The following HEATR5A variants were observed in gnomAD, a reference collection of about 807,000 sequenced individuals.
The protein encoded by HEATR5A is HEAT repeat containing 5A.
In HEATR5A, 178 loss-of-function variants were observed where a neutral mutation model predicts 218.8. The observed-to-expected ratio is 0.81, with a 90% CI of 0.72 to 0.92. The LOEUF (loss-of-function observed/expected upper bound fraction) is 0.92. Among genes scored for constraint, HEATR5A ranks in the 40% least tolerant of loss-of-function variants. HEATR5A has a pLI of 0.00. For synonymous variants in HEATR5A, 864 were observed against 871.6 expected, an observed-to-expected ratio of 0.99 and a Z score of 0.15; for missense variants, 2,420 against 2,418.9, an observed-to-expected ratio of 1.00 and a Z score of -0.01.
chr14:31,373,617 C>T (rs535085059), intron 12 of HEATR5A, among the ~76,000 whole-genome samples: 1 of 152,324 alleles, frequency 6.6e-6, no homozygotes, highest in African/African-American at 2.4e-5. Flanking sequence ...AAGCGTGAGC[C>T]ACAGCACCTG....
intron 7 of HEATR5A, among the ~76,000 whole-genome samples, chr14:31,388,287 AATG>A (rs1345577182): frequency 6.6e-6 from 1 of 152,180 alleles, no homozygotes; most frequent in Admixed American, 6.5e-5. Context: ...GTTTGCTTTG[AATG>A]ATAACGGTGT....
Position 31,299,343 on chromosome 14 carries a change from CCA to C in HEATR5A, c.5464+2950_5464+2951del, listed in dbSNP as rs532369022. Among the ~76,000 whole-genome samples the C allele has an allele frequency of 1.8e-4, 27 of 152,238 alleles. No homozygotes were observed. The South Asian group carries it at 4.1e-3, about 23-fold the overall frequency. On this transcript the variant is annotated intron_variant, in intron 33 of 35. Coordinates refer to ENST00000543095, the MANE Select transcript of HEATR5A (RefSeq NM_015473.4). ...GTCCATACTATTATTATCTTATCTC[CCA>C]CAGTTTGGCTTTCTTCTTTACACTG...
At chr14:31,390,344 A>G (rs2030404138) in intron 6 of HEATR5A, among the ~76,000 whole-genome samples, 1 of 152,108 alleles carries the variant, frequency 6.6e-6, no homozygotes, top group African/African-American at 2.4e-5. Context: ...TGCTGTGTTG[A>G]GAGAAGATTA....
rs1454259174 is a variant in HEATR5A at position 31,394,038 on chromosome 14, T to C, written c.772+14A>G. The C allele has an allele frequency of 6.8e-7, 1 of 1,460,712 alleles. No homozygotes were observed. Among genetic ancestry groups the C allele is most frequent in the Non-Finnish European group, 9.1e-7 (1 of 1,093,734 alleles). The allele number at this position is 1,460,712 out of a possible 1,614,324, so 90.5% of individuals were successfully genotyped here. The stretch of plus-strand genomic sequence containing the variant: ...ATTACAGAAGAGACTTTGAAAATAA[T>C]TACATGTATTTACCTGTTCCTGGAT... On this transcript the variant is annotated intron_variant, in intron 6 of 35. Coordinates refer to ENST00000543095, the MANE Select transcript of HEATR5A (RefSeq NM_015473.4).
chr14:31,323,480 T>C, intron 24 of HEATR5A, 85 bp downstream of exon 24: 1 of 1,101,436 alleles, frequency 9.1e-7, no homozygotes, highest in Non-Finnish European at 1.2e-6. Flanking sequence ...TTTAAAAAAA[T>C]ATTTTAATAT....
intron 1 of HEATR5A, among the ~76,000 whole-genome samples, chr14:31,408,863 G>A (rs1412096017): frequency 7.7e-5 from 11 of 143,474 alleles, no homozygotes; most frequent in African/African-American, 2.6e-4. Context: ...AGGCCGAGGC[G>A]GGCGGATCAC....
chr14:31,343,783 G>A (rs1053556830), intron 21 of HEATR5A, 113 bp downstream of exon 21: 5 of 801,198 alleles, frequency 6.2e-6, no homozygotes, highest in African/African-American at 5.3e-5. Context: ...AAATAGCTAC[G>A]TATATAACAC....
chr14:31,350,882 A>G (rs554700752), intron 16 of HEATR5A, among the ~76,000 whole-genome samples, 165 bp from the exon 17 acceptor site: 3 of 152,208 alleles, frequency 2.0e-5, no homozygotes, highest in South Asian at 2.1e-4. Flanking sequence ...GGCTCAAGAG[A>G]TTCTCTCACC....
intron 34 of HEATR5A, among the ~76,000 whole-genome samples, chr14:31,294,954 G>A (rs901075812): frequency 2.6e-5 from 4 of 152,094 alleles, no homozygotes; most frequent in Non-Finnish European, 5.9e-5. Flanking sequence ...CAGGCAGCAG[G>A]CAACAGGACA....
At chr14:31,305,378 T>C in intron 31 of HEATR5A, among the ~76,000 whole-genome samples, 1 of 152,182 alleles carries the variant, frequency 6.6e-6, no homozygotes, top group East Asian at 1.9e-4. Flanking sequence ...TTCTTCTGCC[T>C]CAGCCTCCCA....
intron 12 of HEATR5A, among the ~76,000 whole-genome samples, chr14:31,373,359 A>C (rs1595149455): frequency 2.2e-5 from 3 of 136,796 alleles, no homozygotes; most frequent in Non-Finnish European, 1.6e-5. Context: ...ATGGAGTTTC[A>C]CTCTTGTTGT....
intron 29 of HEATR5A, 67 bp from the exon 30 acceptor site, chr14:31,308,087 A>G: frequency 7.1e-7 from 1 of 1,414,292 alleles, no homozygotes; most frequent in Non-Finnish European, 9.5e-7. Context: ...TAAGTAATTA[A>G]TCTTATATTT....
intron 21 of HEATR5A, among the ~76,000 whole-genome samples, chr14:31,338,292 A>G (rs1900731920): frequency 1.3e-5 from 2 of 152,360 alleles, no homozygotes; most frequent in East Asian, 3.9e-4. Flanking sequence ...TCTTTTAACA[A>G]TAATATTTTA....
At position 31,309,003 on chromosome 14, in the gene HEATR5A, C is replaced by T. The variant is rs962174872; in HGVS notation, c.4621G>A (p.Gly1541Ser). The T allele has an allele frequency of 1.2e-6, 2 of 1,613,680 alleles. No homozygotes were observed. The highest frequency in any genetic ancestry group is 2.7e-5 in the African/African-American group (2 of 74,886). ...TTTATGGTAGCCCCAGATGATGAAC[C>T]CTGACACATGGAAGTTGGTGTTACA... The part of the protein sequence containing the change: ...RPVTPTSMCQ[G>S]SSSGATIKSP... The change falls in exon 29 of 36, where the codon GGT becomes AGT. Residue 1541 changes from glycine (G) to serine (S), a missense_variant. Physicochemically the swap from Gly to Ser is moderately conservative, Grantham distance 56. Transcript: ENST00000543095.
intron 14 of HEATR5A, among the ~76,000 whole-genome samples, chr14:31,362,557 A>G (rs558027946): frequency 1.4e-5 from 2 of 141,034 alleles, no homozygotes; most frequent in African/African-American, 2.6e-5. Context: ...AAGCCCAGAA[A>G]TTTGAGAACA....
At chr14:31,296,169 C>A in intron 33 of HEATR5A, 106 bp from the exon 34 acceptor site, 1 of 804,970 alleles carries the variant, frequency 1.2e-6, no homozygotes, top group East Asian at 2.7e-5. Flanking sequence ...ACAACAGATA[C>A]ACACAATGAA....
At chr14:31,370,564 C>T (rs905168022) in intron 13 of HEATR5A, among the ~76,000 whole-genome samples, 6 of 152,230 alleles carry the variant, frequency 3.9e-5, no homozygotes, top group East Asian at 1.9e-4. Context: ...CATAAAAATA[C>T]GTTTTAGCAT....
chr14:31,298,486 G>T (rs1027552939), intron 33 of HEATR5A, among the ~76,000 whole-genome samples: 1 of 152,130 alleles, frequency 6.6e-6, no homozygotes, highest in African/African-American at 2.4e-5. Flanking sequence ...TGTAGAGACA[G>T]TATCTTGTTA....
chr14:31,331,321 C>A (rs1900464300), intron 22 of HEATR5A, among the ~76,000 whole-genome samples: 1 of 152,130 alleles, frequency 6.6e-6, no homozygotes, highest in Non-Finnish European at 1.5e-5. Context: ...AGGGCAGGAG[C>A]AAAACGCTGC....
Sources: gnomAD v4.1 joint callset for allele counts (sites outside exome capture counted in the v4.1 genomes callset) on GRCh38, gnomAD v4.1.1 for gene constraint, MANE v1.5 for transcripts, NCBI Gene and HGNC (gene_info 2026-07-23, HGNC 2026-07-21) for gene names.